ETV6: variants seen among roughly 807,000 people sequenced by gnomAD.
ETV6 encodes ETS variant transcription factor 6.
In ETV6, 16 loss-of-function variants were observed where a neutral mutation model predicts 51.1. The ratio of observed to expected loss-of-function variants is 0.31; its 90% confidence interval spans 0.21 to 0.48. The LOEUF is 0.48. Ranked by LOEUF, ETV6 falls within the 20% of genes least tolerant of loss-of-function variation. ETV6 has a pLI of 0.99. For missense variants in ETV6, 458 were observed against 594.8 expected (o/e 0.77, Z 2.39); for synonymous variants, 240 against 224.1 (o/e 1.07, Z -0.64).
At position 11,892,814 on chromosome 12, in the gene ETV6, C is replaced by T; in HGVS notation, c.*1768C>T. On this transcript the variant is annotated 3_prime_UTR_variant, in exon 8 of 8. Coordinates refer to ENST00000396373, the MANE Select transcript of ETV6 (RefSeq NM_001987.5). ...ACAGGCAAGAGGAATTTTCCCTCGG[C>T]CTTACTGACAAGGACACCAACCTAG... 4.3e-6 allele frequency: 1 copy of T among 232,978 alleles called. No individual in the cohort carries two copies. Among genetic ancestry groups the T allele is most frequent in the East Asian group, 6.0e-5 (1 of 16,540 alleles). 14.4% of individuals were successfully genotyped at this position (232,978 alleles called of 1,614,324 possible). A position where few individuals can be genotyped will look rare whatever the true frequency, so the allele number is the denominator to read the frequency against.
intron 5 of ETV6, among the ~76,000 whole-genome samples, chr12:11,871,381 G>C (rs999959357): frequency 6.6e-6 from 1 of 151,914 alleles, no homozygotes. Flanking sequence ...TAGTAGAGAC[G>C]GGGTTTCACC....
intron 1 of ETV6, among the ~76,000 whole-genome samples, chr12:11,681,204 A>G (rs1489948091): frequency 6.6e-6 from 1 of 152,216 alleles, no homozygotes; most frequent in African/African-American, 2.4e-5. Flanking sequence ...TTGGAACAGT[A>G]GCAAATCCAT....
rs74412977 is a variant in ETV6 at position 11,872,306 on chromosome 12, G to A, written c.1009+2337G>A. 6.3e-3 allele frequency among the ~76,000 whole-genome samples: 953 copies of A among 152,216 alleles called. 14 individuals are homozygous for A. The highest frequency in any genetic ancestry group is 0.022 in the African/African-American group (915 of 41,512). On this transcript the variant is annotated intron_variant, in intron 5 of 7. Coordinates refer to ENST00000396373, the MANE Select transcript of ETV6 (RefSeq NM_001987.5). ...GGCTGCTGTCCATAGTGCTGCCCTCGTGGGCCTGGCTTGCTTCCCAAGATC... is the reference window on the plus strand; with the variant it reads ...GGCTGCTGTCCATAGTGCTGCCCTCATGGGCCTGGCTTGCTTCCCAAGATC...
intron 6 of ETV6, among the ~76,000 whole-genome samples, chr12:11,885,422 C>T (rs1220163039): frequency 6.6e-6 from 1 of 152,180 alleles, no homozygotes; most frequent in African/African-American, 2.4e-5. Flanking sequence ...TTGCCTCGGG[C>T]CCAGAACCAC....
chr12:11,703,324 G>A (rs749479277), intron 1 of ETV6, among the ~76,000 whole-genome samples: 2 of 151,740 alleles, frequency 1.3e-5, no homozygotes, highest in Non-Finnish European at 2.9e-5. Flanking sequence ...TTATTTTTTC[G>A]TTTTAGTCAC....
At chr12:11,699,923 T>G (rs938214816) in intron 1 of ETV6, among the ~76,000 whole-genome samples, 1 of 152,230 alleles carries the variant, frequency 6.6e-6, no homozygotes, top group Non-Finnish European at 1.5e-5. Context: ...GAGCTCCTGT[T>G]GGAAAAATGT....
At chr12:11,822,562 G>A (rs1565539414) in intron 2 of ETV6, among the ~76,000 whole-genome samples, 1 of 152,076 alleles carries the variant, frequency 6.6e-6, no homozygotes, top group African/African-American at 2.4e-5. Flanking sequence ...CTAATGTCCT[G>A]CTGCGGGCTT....
chr12:11,711,807 A>G (rs1865177898), intron 1 of ETV6, among the ~76,000 whole-genome samples: 1 of 152,212 alleles, frequency 6.6e-6, no homozygotes, highest in Admixed American at 6.5e-5. Context: ...CTTCAACATC[A>G]TTATTTCTGA....
chr12:11,887,342 G>GA (rs1947208408), intron 7 of ETV6, among the ~76,000 whole-genome samples: 3 of 152,122 alleles, frequency 2.0e-5, no homozygotes, highest in African/African-American at 7.2e-5. Context: ...AAATCTCCCT[G>GA]AAATTCCAAA....
At chr12:11,811,357 T>C (rs1362139929) in intron 2 of ETV6, among the ~76,000 whole-genome samples, 2 of 152,248 alleles carry the variant, frequency 1.3e-5, no homozygotes, top group Non-Finnish European at 2.9e-5. Flanking sequence ...TATGCTATGG[T>C]GACCTGGCCA....
intron 4 of ETV6, among the ~76,000 whole-genome samples, chr12:11,863,754 C>T (rs772446067): frequency 6.6e-6 from 1 of 152,216 alleles, no homozygotes; most frequent in Non-Finnish European, 1.5e-5. Context: ...GCTCTGGTCT[C>T]GTAAGTTTCC....
chr12:11,718,737 C>CA (rs1316418363), intron 1 of ETV6, among the ~76,000 whole-genome samples: 2 of 151,946 alleles, frequency 1.3e-5, no homozygotes, highest in East Asian at 3.9e-4. Flanking sequence ...GACTGTGTCT[C>CA]AAAAAAATTC....
chr12:11,875,884 C>T (rs1033203845), intron 5 of ETV6, among the ~76,000 whole-genome samples: 5 of 152,280 alleles, frequency 3.3e-5, no homozygotes, highest in African/African-American at 1.2e-4. Flanking sequence ...GCTGCAGTGG[C>T]AGAGTTGAGT....
At chr12:11,876,110 T>C (rs1274658700) in intron 5 of ETV6, among the ~76,000 whole-genome samples, 2 of 152,116 alleles carry the variant, frequency 1.3e-5, no homozygotes, top group Admixed American at 6.6e-5. Context: ...GTTTGAGACA[T>C]GTGAAAGGAA....
chr12:11,745,687 T>C (rs866280344), intron 1 of ETV6, among the ~76,000 whole-genome samples: 1 of 152,234 alleles, frequency 6.6e-6, no homozygotes. Flanking sequence ...AAATAGATGT[T>C]GGCAGGCTTC....
chr12:11,817,433 G>T (rs1946009494), intron 2 of ETV6, among the ~76,000 whole-genome samples: 1 of 152,148 alleles, frequency 6.6e-6, no homozygotes, highest in African/African-American at 2.4e-5. Context: ...ATGTCTCTAA[G>T]ATGCCAAACA....
chr12:11,861,519 T>G (rs911130486), intron 4 of ETV6, among the ~76,000 whole-genome samples: 2 of 152,178 alleles, frequency 1.3e-5, no homozygotes, highest in African/African-American at 4.8e-5. Context: ...CCCTCACCCT[T>G]CCTGCCTGCA....
At chr12:11,832,890 G>C (rs1350576206) in intron 2 of ETV6, among the ~76,000 whole-genome samples, 1 of 152,166 alleles carries the variant, frequency 6.6e-6, no homozygotes, top group Non-Finnish European at 1.5e-5. Context: ...GTGTCACCAG[G>C]GTACTCCCAT....
At chr12:11,826,447 G>C (rs1475755694) in intron 2 of ETV6, 2 of 152,202 alleles carry the variant, frequency 1.3e-5, no homozygotes, top group Admixed American at 6.5e-5. Flanking sequence ...CATGAATGAT[G>C]ACGGGCCGAA....
Sources: allele counts gnomAD v4.1 joint callset (sites outside exome capture counted in the v4.1 genomes callset), GRCh38; gene constraint gnomAD v4.1.1; transcripts MANE v1.5; gene names NCBI Gene and HGNC (gene_info 2026-07-23, HGNC 2026-07-21).